The following GSG1L variants were observed in gnomAD, a reference collection of about 807,000 sequenced individuals.
GSG1L encodes GSG1 like, also known as germ cell-specific gene 1-like protein.
In GSG1L, 24 loss-of-function variants were observed where a neutral mutation model predicts 42.1. The observed-to-expected ratio is 0.57, with a 90% CI of 0.41 to 0.80. The LOEUF (loss-of-function observed/expected upper bound fraction) is 0.80, where lower values mean the gene tolerates loss of function less well. GSG1L is among the 30% of genes least tolerant of loss of function. GSG1L has a pLI of 0.00. For synonymous variants in GSG1L, 215 were observed against 203.5 expected (o/e 1.06, Z -0.48); for missense variants, 445 against 472.2 (o/e 0.94, Z 0.53).
intron 1 of GSG1L, among the ~76,000 whole-genome samples, chr16:28,001,282 C>T (rs1238658355): frequency 1.3e-5 from 2 of 152,156 alleles, no homozygotes; most frequent in Admixed American, 6.6e-5. Flanking sequence ...AGGAGAGGTA[C>T]AGCCAACGCC....
chr16:27,915,524 C>T (rs968064048), intron 2 of GSG1L, among the ~76,000 whole-genome samples: 2 of 152,202 alleles, frequency 1.3e-5, no homozygotes, highest in African/African-American at 4.8e-5. Context: ...TTCATTCACT[C>T]ACTCAAGCCA....
intron 4 of GSG1L, among the ~76,000 whole-genome samples, chr16:27,837,837 C>T (rs188385573): frequency 3.2e-4 from 47 of 148,830 alleles, no homozygotes; most frequent in African/African-American, 8.8e-4. Context: ...CTAGAGAAAG[C>T]GGACTTTAGT....
At chr16:27,855,076 T>C (rs1470840988) in intron 3 of GSG1L, among the ~76,000 whole-genome samples, 1 of 151,708 alleles carries the variant, frequency 6.6e-6, no homozygotes, top group Non-Finnish European at 1.5e-5. Flanking sequence ...AAAAATAAAA[T>C]AAAATTACCC....
intron 3 of GSG1L, among the ~76,000 whole-genome samples, chr16:27,867,010 G>A (rs941282284): frequency 6.6e-6 from 1 of 152,198 alleles, no homozygotes; most frequent in Non-Finnish European, 1.5e-5. Context: ...GTGCCTATTT[G>A]AAGGGGCAGA....
intron 1 of GSG1L, among the ~76,000 whole-genome samples, chr16:28,057,753 AT>A (rs1020645262): frequency 2.0e-5 from 3 of 152,168 alleles, no homozygotes; most frequent in African/African-American, 7.2e-5. Flanking sequence ...CAACGATGCT[AT>A]CATGGGGCAG....
Position 27,888,401 on chromosome 16 carries a change from C to CTTTCT in GSG1L, c.398-3764_398-3763insAGAAA, listed in dbSNP as rs1203341567. On this transcript the variant is annotated intron_variant, in intron 2 of 6. Coordinates refer to ENST00000447459, the MANE Select transcript of GSG1L (RefSeq NM_001109763.2). ...GGTTCTTTCTTTCTTTTCTTTTCTC[C>CTTTCT]TTCTTTCTTTCTTTCTTTCTTTCTT... Among the ~76,000 whole-genome samples, 88 of 122,560 alleles carry CTTTCT rather than the reference C, an allele frequency of 7.2e-4. 13 individuals are homozygous for CTTTCT. The highest frequency in any genetic ancestry group is 3.1e-3 in the African/African-American group (85 of 27,440). 80.4% of individuals were successfully genotyped at this position (122,560 alleles called of 152,430 possible). A position where few individuals can be genotyped will look rare whatever the true frequency, so the allele number is the denominator to read the frequency against.
chr16:27,940,036 G>A (rs1567526949), intron 2 of GSG1L, among the ~76,000 whole-genome samples: 2 of 152,176 alleles, frequency 1.3e-5, no homozygotes, highest in Admixed American at 6.5e-5. Context: ...ATCAAAAAGC[G>A]GGCAAGGATA....
intron 1 of GSG1L, among the ~76,000 whole-genome samples, chr16:28,039,392 T>C (rs1175726257): frequency 6.6e-6 from 1 of 152,150 alleles, no homozygotes; most frequent in Non-Finnish European, 1.5e-5. Context: ...GGCATCTAGT[T>C]GGTAGGAGCC....
chr16:27,971,182 G>C (rs1335578808), intron 1 of GSG1L, among the ~76,000 whole-genome samples: 1 of 152,144 alleles, frequency 6.6e-6, no homozygotes, highest in South Asian at 2.1e-4. Flanking sequence ...CTTTAAAAAA[G>C]CAAGTTGGAA....
At position 27,788,193 on chromosome 16, in the gene GSG1L, C is replaced by T. The variant is rs965696137; in HGVS notation, c.*3177G>A. ...CCTGAGAGTCGTCACCAACTTTCCTCTTCTCCCACTCAGTCTATTCCCTCC... is the reference window on the plus strand; with the variant it reads ...CCTGAGAGTCGTCACCAACTTTCCTTTTCTCCCACTCAGTCTATTCCCTCC... On this transcript the variant is annotated 3_prime_UTR_variant, in exon 7 of 7. Transcript: ENST00000447459. 2.0e-5 allele frequency: 3 copies of T among 152,192 alleles called. No homozygotes were observed. Among genetic ancestry groups the T allele is most frequent in the African/African-American group, 7.2e-5 (3 of 41,410 alleles). The allele number at this position is 152,192 out of a possible 1,614,324, so 9.4% of individuals were successfully genotyped here.
chr16:28,046,813 A>G (rs549792370), intron 1 of GSG1L, among the ~76,000 whole-genome samples: 2 of 152,274 alleles, frequency 1.3e-5, no homozygotes, highest in East Asian at 3.9e-4. Context: ...TGCACGTGCC[A>G]TGTCCTCTGC....
intron 5 of GSG1L, among the ~76,000 whole-genome samples, chr16:27,812,739 G>A (rs1254105603): frequency 6.6e-6 from 1 of 151,998 alleles, no homozygotes; most frequent in Non-Finnish European, 1.5e-5. Flanking sequence ...GGACCTGCTC[G>A]CTTCCTTTTT....
In GSG1L at chr16:28,059,363, G is replaced by A. The variant is rs1482785621; in HGVS notation, c.349+3713C>T. On this transcript the variant is annotated intron_variant, in intron 1 of 6. Coordinates refer to ENST00000447459, the MANE Select transcript of GSG1L (RefSeq NM_001109763.2). This position sits in a 1 kb window ranked among gnomAD's most constrained non-coding sequence, Gnocchi z 4.4. Reference sequence around the variant, plus strand: ...TTGGCTCCCCGCCTGGGTCCTGCATGGGTCTTCTGGCTTCACACCCACCCC... The same window carrying A: ...TTGGCTCCCCGCCTGGGTCCTGCATAGGTCTTCTGGCTTCACACCCACCCC... Among the ~76,000 whole-genome samples the A allele has an allele frequency of 1.3e-5, 2 of 152,046 alleles. No homozygotes were observed. The highest frequency in any genetic ancestry group is 4.8e-5 in the African/African-American group (2 of 41,388).
At chr16:27,840,782 T>C (rs914651636) in intron 4 of GSG1L, among the ~76,000 whole-genome samples, 2 of 152,136 alleles carry the variant, frequency 1.3e-5, no homozygotes, top group East Asian at 1.9e-4. Flanking sequence ...GAACACTCAC[T>C]CTTGAGATAG....
chr16:27,826,825 T>C (rs532650468), intron 5 of GSG1L, among the ~76,000 whole-genome samples: 2 of 152,278 alleles, frequency 1.3e-5, no homozygotes, highest in Admixed American at 6.5e-5. Context: ...TCACATGGAC[T>C]TGTGAGAAGC....
intron 5 of GSG1L, among the ~76,000 whole-genome samples, chr16:27,815,400 G>A (rs1342139970): frequency 6.6e-6 from 1 of 152,198 alleles, no homozygotes; most frequent in South Asian, 2.1e-4. Flanking sequence ...ACCAGAAGCT[G>A]AGCAGATGCT....
chr16:27,804,576 C>T (rs1361203121), intron 6 of GSG1L, among the ~76,000 whole-genome samples: 1 of 151,436 alleles, frequency 6.6e-6, no homozygotes, highest in Non-Finnish European at 1.5e-5. Context: ...CTCTCCAGCA[C>T]CCACAGGGCT....
chr16:27,866,947 C>A (rs2083734409), intron 3 of GSG1L, among the ~76,000 whole-genome samples: 1 of 152,168 alleles, frequency 6.6e-6, no homozygotes, highest in Admixed American at 6.5e-5. Context: ...CTCACGCCAA[C>A]CCCCCTGCAT....
chr16:27,827,911 TACCC>T (rs2083230719), intron 5 of GSG1L, among the ~76,000 whole-genome samples: 1 of 75,476 alleles, frequency 1.3e-5, no homozygotes, highest in Non-Finnish European at 2.9e-5. Flanking sequence ...TCCCTTCACC[TACCC>T]ATCCACCACT....
Sources: allele counts gnomAD v4.1 joint callset (sites outside exome capture counted in the v4.1 genomes callset), GRCh38; gene constraint gnomAD v4.1.1; non-coding constraint Gnocchi (gnomAD v3.1); transcripts MANE v1.5; gene names NCBI Gene and HGNC (gene_info 2026-07-23, HGNC 2026-07-21).